OR2J2: variants seen among roughly 807,000 people sequenced by gnomAD.
OR2J2 encodes the protein olfactory receptor family 2 subfamily J member 2.
A neutral mutation model predicts 16.9 loss-of-function variants in OR2J2; 13 were observed. That is an observed-to-expected ratio of 0.77 (90% confidence interval 0.50 to 1.23). The LOEUF is 1.23. Ranked by LOEUF, OR2J2 falls within the 50% of genes most tolerant of loss-of-function variation. The probability of loss-of-function intolerance (pLI) is 0.00; values close to 1 mark genes in which losing one functional copy is unlikely to be tolerated. For synonymous variants in OR2J2, 125 were observed against 141.2 expected, an observed-to-expected ratio of 0.89 and a Z score of 0.81; for missense variants, 341 against 379.1, an observed-to-expected ratio of 0.90 and a Z score of 0.84.
Position 29,174,216 on chromosome 6 carries a change from A to C in OR2J2, c.581A>C (p.His194Pro), listed in dbSNP as rs766650835. Residue 194 changes from histidine (H) to proline (P), a missense_variant, in exon 2 of 2, where the codon CAT (histidine) becomes CCT (proline). Physicochemically the swap from His to Pro is moderately conservative, Grantham distance 77. Coordinates refer to ENST00000641417, the MANE Select transcript of OR2J2 (RefSeq NM_030905.3). ...CTGCGTTTATCATGTGTTGACACCC[A>C]TGCAAATGAGCTGACCCTCATGGTC... Reference protein sequence around the residue: ...ALLRLSCVDTHANELTLMVMS... With the variant: ...ALLRLSCVDTPANELTLMVMS... 1 of 1,613,622 alleles carries C rather than the reference A, an allele frequency of 6.2e-7. No individual in the cohort carries two copies. Among genetic ancestry groups the C allele is most frequent in the African/African-American group, 1.3e-5 (1 of 74,794 alleles).
Position 29,173,758 on chromosome 6 carries a change from A to G in OR2J2, c.123A>G (p.Thr41=), listed in dbSNP as rs775603734. The change falls in exon 2 of 2, where the codon ACA becomes ACG. Residue 41 remains threonine, a synonymous_variant. Transcript: ENST00000641417. The part of the protein sequence containing the change: ...VILIFYLMTL[T]GNLFIIILSY... ...TGATCTTCTACCTGATGACACTGAC[A>G]GGAAACCTGTTCATCATCATCCTGT... 19 of 1,613,668 alleles carry G rather than the reference A, an allele frequency of 1.2e-5. No homozygotes were observed. The highest frequency in any genetic ancestry group is 4.4e-5 in the South Asian group (4 of 91,050).
In OR2J2 at chr6:29,174,535, G is replaced by A. The variant is rs376489298; in HGVS notation, c.900G>A (p.Gly300=). 8 of 1,612,972 alleles carry A rather than the reference G, an allele frequency of 5.0e-6. No individual in the cohort carries two copies. The highest frequency in any genetic ancestry group is 2.5e-6 in the Non-Finnish European group (3 of 1,179,656). The change falls in exon 2 of 2, where the codon GGG becomes GGA. Residue 300 remains glycine, a synonymous_variant. Transcript: ENST00000641417. ...IYTLRNKHVK[G]AAKRLLGWEW... is the part of the protein sequence containing the mutation. ...CTCTCAGAAACAAGCATGTAAAAGG[G>A]GCAGCGAAGAGACTATTGGGGTGGG...
chr6:29,173,414 G>T, intron 1 of OR2J2: 2 of 466,566 alleles, frequency 4.3e-6, no homozygotes, highest in Non-Finnish European at 7.5e-6. Context: ...TGTATATAAA[G>T]AACTCAGTAA....
Position 29,174,432 on chromosome 6 carries a change from A to G in OR2J2, c.797A>G (p.Glu266Gly). The G allele has an allele frequency of 6.2e-7, 1 of 1,613,978 alleles. No individual in the cohort carries two copies. The highest frequency in any genetic ancestry group is 2.2e-5 in the East Asian group (1 of 44,838). ...TGCATGTATCTCCAGCCACCATCAG[A>G]AAATTCTCCTGATCAGGGCAAGTTC... ...VMCMYLQPPS[E>G]NSPDQGKFIA... is the part of the protein sequence containing the mutation. Residue 266 changes from glutamate to glycine, a missense_variant, in exon 2 of 2, where the codon GAA becomes GGA. Transcript: ENST00000641417.
Position 29,174,321 on chromosome 6 carries a change from T to C in OR2J2, c.686T>C (p.Met229Thr), listed in dbSNP as rs1765702206. 1 of 1,613,886 alleles carries C rather than the reference T, an allele frequency of 6.2e-7. No individual in the cohort carries two copies. Among genetic ancestry groups the C allele is most frequent in the African/African-American group, 1.3e-5 (1 of 75,004 alleles). The change falls in exon 2 of 2, where the codon ATG becomes ACG. Residue 229 changes from methionine (M) to threonine (T), a missense_variant. Transcript: ENST00000641417. ...GCCATTGCCCGGGCTGTACTGAGCA[T>C]GCAATCAACCACTGGGCTTCAGAAA... ...YGAIARAVLS[M>T]QSTTGLQKVF... is the part of the protein sequence containing the mutation.
Position 29,174,361 on chromosome 6 carries a change from T to C in OR2J2, c.726T>C (p.Cys242=), listed in dbSNP as rs772108197. 5.0e-6 allele frequency: 8 copies of C among 1,613,856 alleles called. No individual in the cohort carries two copies. The African/African-American group carries it at 1.1e-4, about 22-fold the overall frequency. ...GGCTTCAGAAAGTGTTTAGGACATG[T>C]GGAGCCCATCTTATGGTTGTATCTC... ...TTGLQKVFRT[C]GAHLMVVSLF... is the part of the protein sequence containing the mutation. Residue 242 remains cysteine, a synonymous_variant, in exon 2 of 2, where the codon TGT becomes TGC. Coordinates refer to ENST00000641417, the MANE Select transcript of OR2J2 (RefSeq NM_030905.3).
intron 1 of OR2J2, among the ~76,000 whole-genome samples, chr6:29,172,059 TA>T (rs1297061414): frequency 1.3e-5 from 2 of 151,894 alleles, no homozygotes; most frequent in African/African-American, 4.8e-5. Flanking sequence ...CGGGTGTAGA[TA>T]TTAGTTTTTT....
rs3116855 is a variant in OR2J2 at position 29,173,855 on chromosome 6, T to C, written c.220T>C (p.Tyr74His). ...AAACCTCTCATTTCTGGATCTCTGC[T>C]ACACCACCAGCTCTATCCCTCAGTT... ...LSNLSFLDLC[Y>H]TTSSIPQLLV... Residue 74 changes from tyrosine (Y) to histidine (H), a missense_variant, in exon 2 of 2, where the codon TAC (tyrosine) becomes CAC (histidine). By Grantham distance (83) the Tyr-to-His change is moderately conservative. Coordinates refer to ENST00000641417, the MANE Select transcript of OR2J2 (RefSeq NM_030905.3). The C allele has an allele frequency of 0.47, 756,318 of 1,611,480 alleles. 186,064 individuals carry two copies. Among genetic ancestry groups the C allele is most frequent in the Non-Finnish European group, 0.5 (588,576 of 1,179,280 alleles).
chr6:29,172,317 CA>C (rs1452548882), intron 1 of OR2J2, among the ~76,000 whole-genome samples: 1 of 152,068 alleles, frequency 6.6e-6, no homozygotes, highest in African/African-American at 2.4e-5. Context: ...CTCGGCCTCC[CA>C]AAATGCTGAG....
Position 29,174,239 on chromosome 6 carries a change from G to T in OR2J2, c.604G>T (p.Val202Phe), listed in dbSNP as rs538685885. The T allele has an allele frequency of 4.3e-6, 7 of 1,613,658 alleles. No homozygotes were observed. Among genetic ancestry groups the T allele is most frequent in the Non-Finnish European group, 1.7e-6 (2 of 1,179,914 alleles). ...DTHANELTLM[V>F]MSSIFVLIPL... ...CCATGCAAATGAGCTGACCCTCATG[G>T]TCATGAGCTCCATTTTTGTTCTCAT... Residue 202 changes from valine (V) to phenylalanine (F), a missense_variant, in exon 2 of 2, where the codon GTC (valine) becomes TTC (phenylalanine). Physicochemically the swap from Val to Phe is conservative, Grantham distance 50. Coordinates refer to ENST00000641417, the MANE Select transcript of OR2J2 (RefSeq NM_030905.3).
Position 29,174,165 on chromosome 6 carries a change from ACTT to A in OR2J2, c.536_538del (p.Phe179del). ...CTTTGTGGACATCGCCTAGTGGATC[ACTT>A]CTTCTGTGAAGTTCCAGCACTTCTG... is the stretch of plus-strand genomic sequence containing the variant. On this transcript the variant is annotated inframe_deletion, in exon 2 of 2. Coordinates refer to ENST00000641417, the MANE Select transcript of OR2J2 (RefSeq NM_030905.3). The A allele has an allele frequency of 3.1e-6, 5 of 1,613,432 alleles. No homozygotes were observed. Among genetic ancestry groups the A allele is most frequent in the African/African-American group, 1.3e-5 (1 of 74,806 alleles).
intron 1 of OR2J2, among the ~76,000 whole-genome samples, chr6:29,171,335 G>C (rs1248226679): frequency 6.6e-6 from 1 of 151,762 alleles, no homozygotes; most frequent in Non-Finnish European, 1.5e-5. Context: ...GAAAAATTAA[G>C]AAAACAAACC....
chr6:29,174,263 A>G lies in OR2J2; in HGVS notation c.628A>G (p.Ile210Val), dbSNP rs749102320. Residue 210 changes from isoleucine (I) to valine (V), a missense_variant, in exon 2 of 2, where the codon ATA becomes GTA. Ile to Val is a conservative substitution (Grantham distance 29). Coordinates refer to ENST00000641417, the MANE Select transcript of OR2J2 (RefSeq NM_030905.3). The part of the protein sequence containing the change: ...LMVMSSIFVL[I>V]PLILILTTYG... ...GGTCATGAGCTCCATTTTTGTTCTC[A>G]TACCTCTCATTCTCATTCTCACTAC... 1.9e-6 allele frequency: 3 copies of G among 1,613,598 alleles called. No homozygotes were observed. The highest frequency in any genetic ancestry group is 2.5e-6 in the Non-Finnish European group (3 of 1,179,912).
intron 1 of OR2J2, among the ~76,000 whole-genome samples, chr6:29,172,432 A>G (rs1765551843): frequency 6.6e-6 from 1 of 152,134 alleles, no homozygotes; most frequent in African/African-American, 2.4e-5. Context: ...GGGGGATGGC[A>G]AAACTATGTA....
intron 1 of OR2J2, among the ~76,000 whole-genome samples, chr6:29,172,630 A>G (rs571441676): frequency 1.6e-4 from 25 of 152,290 alleles, no homozygotes; most frequent in African/African-American, 5.8e-4. Context: ...TGGATTTTAT[A>G]CAATGTTCAC....
Position 29,174,900 on chromosome 6 carries a change from G to A in OR2J2, c.*326G>A, listed in dbSNP as rs148427611. 3.0e-4 allele frequency: 76 copies of A among 251,598 alleles called. No homozygotes were observed. Among genetic ancestry groups the A allele is most frequent in the African/African-American group, 1.6e-3 (70 of 44,880 alleles). The allele number at this position is 251,598 out of a possible 1,614,324, so 15.6% of individuals were successfully genotyped here. A position where few individuals can be genotyped will look rare whatever the true frequency, so the allele number is the denominator to read the frequency against. On this transcript the variant is annotated 3_prime_UTR_variant, in exon 2 of 2. Coordinates refer to ENST00000641417, the MANE Select transcript of OR2J2 (RefSeq NM_030905.3). Reference sequence around the variant, plus strand: ...AAATGTTGGGAATATTTCTAACAATGTGCTAAATTATGAACTGATGATATA... The same window carrying A: ...AAATGTTGGGAATATTTCTAACAATATGCTAAATTATGAACTGATGATATA...
chr6:29,174,440 C>T lies in OR2J2; in HGVS notation c.805C>T (p.Pro269Ser). Residue 269 changes from proline (P) to serine (S), a missense_variant, in exon 2 of 2, where the codon CCT (proline) becomes TCT (serine). By Grantham distance (74) the Pro-to-Ser change is moderately conservative. Coordinates refer to ENST00000641417, the MANE Select transcript of OR2J2 (RefSeq NM_030905.3). ...MYLQPPSENS[P>S]DQGKFIALFY... ...TCTCCAGCCACCATCAGAAAATTCTCCTGATCAGGGCAAGTTCATTGCCCT... is the reference window on the plus strand; with the variant it reads ...TCTCCAGCCACCATCAGAAAATTCTTCTGATCAGGGCAAGTTCATTGCCCT... 1 of 1,613,966 alleles carries T rather than the reference C, an allele frequency of 6.2e-7. No homozygotes were observed. Among genetic ancestry groups the T allele is most frequent in the African/African-American group, 1.3e-5 (1 of 74,996 alleles).
chr6:29,173,878 G>A lies in OR2J2; in HGVS notation c.243G>A (p.Gln81=). 1 of 1,611,692 alleles carries A rather than the reference G, an allele frequency of 6.2e-7. No homozygotes were observed. The highest frequency in any genetic ancestry group is 8.5e-7 in the Non-Finnish European group (1 of 1,179,502). The stretch of plus-strand genomic sequence containing the variant: ...GCTACACCACCAGCTCTATCCCTCA[G>A]TTGCTGGTGAATCTCCGGGGCCCGG... ...DLCYTTSSIP[Q]LLVNLRGPEK... The change falls in exon 2 of 2, where the codon CAG becomes CAA. Residue 81 remains glutamine (Q), a synonymous_variant. Transcript: ENST00000641417.
In OR2J2 at chr6:29,174,041, C is replaced by G; in HGVS notation, c.406C>G (p.Leu136Val). 6.2e-7 allele frequency: 1 copy of G among 1,613,218 alleles called. No homozygotes were observed. Among genetic ancestry groups the G allele is most frequent in the Non-Finnish European group, 8.5e-7 (1 of 1,179,772 alleles). Residue 136 changes from leucine to valine, a missense_variant, in exon 2 of 2, where the codon CTC (leucine) becomes GTC (valine). Coordinates refer to ENST00000641417, the MANE Select transcript of OR2J2 (RefSeq NM_030905.3). The stretch of plus-strand genomic sequence containing the variant: ...GTGTAGACCTTTGCATTACACTGTC[C>G]TCATGCACCCTCGTTTCTGCCACTT... ...AVCRPLHYTV[L>V]MHPRFCHLLV...
Sources: gnomAD v4.1 joint callset for allele counts (sites outside exome capture counted in the v4.1 genomes callset) on GRCh38, gnomAD v4.1.1 for gene constraint, MANE v1.5 for transcripts, NCBI Gene and HGNC (gene_info 2026-07-23, HGNC 2026-07-21) for gene names.